Variants in MYOM2 observed in about 807,000 individuals in gnomAD.
MYOM2 encodes myomesin 2.
Under a neutral mutation model 187.6 loss-of-function variants are expected in MYOM2, and 254 were observed. That is an observed-to-expected ratio of 1.35 (90% CI 1.22 to 1.50). MYOM2 has a LOEUF of 1.50. MYOM2 is among the 40% of genes most tolerant of loss of function. MYOM2 has a pLI of 0.00. For synonymous variants in MYOM2, 981 were observed against 753.8 expected (o/e 1.30, Z -4.94); for missense variants, 2,796 against 1,924.0 (o/e 1.45, Z -8.48).
At chr8:2,132,699 G>A (rs73657736) in intron 32 of MYOM2, among the ~76,000 whole-genome samples, 21,077 of 152,004 alleles carry the variant, frequency 0.14, 2,541 homozygotes, top group African/African-American at 0.31. Context: ...GAATCCTCTT[G>A]CCTTGGCCAC....
Position 2,106,062 on chromosome 8 carries a change from G to A in MYOM2, c.2735-180G>A, listed in dbSNP as rs147735162. On this transcript the variant is annotated intron_variant, in intron 21 of 36. Transcript: ENST00000262113. ...CATAAGACTCAGTCACTATCATGAG[G>A]ACAGCATGGGGGAAACCACCCCCGT... is the stretch of plus-strand genomic sequence containing the variant. Among the ~76,000 whole-genome samples the A allele has an allele frequency of 5.7e-3, 869 of 152,220 alleles. 4 individuals are homozygous for A. The highest frequency in any genetic ancestry group is 7.4e-3 in the Non-Finnish European group (505 of 68,018).
At chr8:2,104,164 A>G (rs1299410425) in intron 21 of MYOM2, among the ~76,000 whole-genome samples, 3 of 152,044 alleles carry the variant, frequency 2.0e-5, no homozygotes, top group Non-Finnish European at 4.4e-5. Context: ...GCTGTTGGTA[A>G]TTTTCTTGAT....
chr8:2,140,598 TC>T, intron 32 of MYOM2, 124 bp from the exon 33 acceptor site: 1 of 884,320 alleles, frequency 1.1e-6, no homozygotes, highest in South Asian at 2.1e-5. Context: ...GCCAGAATAA[TC>T]TATTGTGACA....
intron 13 of MYOM2, among the ~76,000 whole-genome samples, chr8:2,080,566 A>T (rs796765428): frequency 2.6e-4 from 40 of 152,340 alleles, no homozygotes; most frequent in African/African-American, 9.4e-4. Flanking sequence ...AGGACCTAGA[A>T]CTCAGGAAGG....
At chr8:2,134,361 C>A (rs35920006) in intron 32 of MYOM2, among the ~76,000 whole-genome samples, 23,995 of 152,072 alleles carry the variant, frequency 0.16, 2,740 homozygotes, top group African/African-American at 0.3. Context: ...TTGGTGACTC[C>A]GTTTTAGCTG....
At chr8:2,108,743 G>T (rs1796973116) in intron 23 of MYOM2, 43 bp from the exon 24 acceptor site, 1 of 1,606,126 alleles carries the variant, frequency 6.2e-7, no homozygotes, top group Non-Finnish European at 8.5e-7. Context: ...AACTTCTCTA[G>T]GTGCAGGTCC....
chr8:2,052,446 A>T, intron 3 of MYOM2, 133 bp downstream of exon 3: 1 of 947,560 alleles, frequency 1.1e-6, no homozygotes. Context: ...CTGGGGTGAG[A>T]GGGAGAATGC....
At chr8:2,076,030 A>G in intron 10 of MYOM2, 111 bp from the exon 11 acceptor site, 2 of 1,011,960 alleles carry the variant, frequency 2.0e-6, no homozygotes, top group Non-Finnish European at 2.8e-6. Context: ...AGAATTAAAC[A>G]GTGGTCAAAT....
At chr8:2,118,245 G>A (rs917542963) in intron 28 of MYOM2, among the ~76,000 whole-genome samples, 1 of 152,158 alleles carries the variant, frequency 6.6e-6, no homozygotes, top group African/African-American at 2.4e-5. Context: ...ATGAGAAAGT[G>A]TGCCCTGGTG....
At chr8:2,092,944 G>A (rs575706279) in intron 16 of MYOM2, among the ~76,000 whole-genome samples, 10 of 152,264 alleles carry the variant, frequency 6.6e-5, no homozygotes, top group African/African-American at 2.4e-4. Context: ...ACCCCACCGG[G>A]CGCCGACTCT....
chr8:2,046,379 C>T lies in MYOM2; in HGVS notation c.-13+1211C>T, dbSNP rs552925836. Among the ~76,000 whole-genome samples the T allele has an allele frequency of 5.3e-5, 8 of 152,262 alleles. No homozygotes were observed. In the East Asian group the frequency reaches 1.4e-3, roughly 26 times the overall value. ...ATTCCTAAACGTGTCAGGAGCATTC[C>T]GGGAGTGGCCGGGGAGCTGGGCTGT... On this transcript the variant is annotated intron_variant, in intron 1 of 36. Coordinates refer to ENST00000262113, the MANE Select transcript of MYOM2 (RefSeq NM_003970.4).
chr8:2,070,623 CCTAT>C (rs3837174), intron 8 of MYOM2, among the ~76,000 whole-genome samples: 51,164 of 151,868 alleles, frequency 0.34, 10,461 homozygotes, highest in Middle Eastern at 0.47. Context: ...CGGGGTTTCT[CCTAT>C]CTATTAACAT....
At chr8:2,134,022 T>C (rs1026420605) in intron 32 of MYOM2, among the ~76,000 whole-genome samples, 18 of 152,128 alleles carry the variant, frequency 1.2e-4, no homozygotes, top group Non-Finnish European at 2.2e-4. Flanking sequence ...TGTAGCCACC[T>C]CCACCGTCTT....
intron 21 of MYOM2, among the ~76,000 whole-genome samples, chr8:2,103,434 T>TA (rs1438541218): frequency 6.6e-6 from 1 of 150,912 alleles, no homozygotes; most frequent in Non-Finnish European, 1.5e-5. Flanking sequence ...GGTATATGGA[T>TA]AAATGAGTGG....
intron 6 of MYOM2, among the ~76,000 whole-genome samples, chr8:2,065,941 T>C (rs1016484359): frequency 6.6e-6 from 1 of 152,196 alleles, no homozygotes; most frequent in African/African-American, 2.4e-5. Flanking sequence ...GAGATTCCAG[T>C]TGAGAGCCGT....
chr8:2,117,888 C>T lies in MYOM2; in HGVS notation c.3389C>T (p.Pro1130Leu). ...QRKEFLRKQGPHFAEYLHWDV... is the reference protein window; with the variant it reads ...QRKEFLRKQGLHFAEYLHWDV... ...TCTTCCCTTTTTTCCTCCCTAGGCCCTCATTTTGCTGAGTACTTGCACTGG... is the reference window on the plus strand; with the variant it reads ...TCTTCCCTTTTTTCCTCCCTAGGCCTTCATTTTGCTGAGTACTTGCACTGG... Residue 1130 changes from proline (P) to leucine (L), a missense_variant, in exon 28 of 37, where the codon CCT becomes CTT. By Grantham distance (98) the Pro-to-Leu change is moderately conservative. Transcript: ENST00000262113. The T allele has an allele frequency of 6.2e-7, 1 of 1,610,534 alleles. No homozygotes were observed. Among genetic ancestry groups the T allele is most frequent in the Non-Finnish European group, 8.5e-7 (1 of 1,178,438 alleles).
At chr8:2,135,879 C>T (rs1485720808) in intron 32 of MYOM2, among the ~76,000 whole-genome samples, 1 of 152,120 alleles carries the variant, frequency 6.6e-6, no homozygotes, top group African/African-American at 2.4e-5. Flanking sequence ...CGTGTTTGGC[C>T]CTCTTATAAG....
chr8:2,140,682 G>C lies in MYOM2; in HGVS notation c.3801-41G>C, dbSNP rs769386202. On this transcript the variant is annotated intron_variant, in intron 32 of 36. Coordinates refer to ENST00000262113, the MANE Select transcript of MYOM2 (RefSeq NM_003970.4). ...CCTGTAGACATTGTGCGTGTGACAT[G>C]GAGACCCTAACTCAGATACGTTCCT... is the stretch of plus-strand genomic sequence containing the variant. 2.3e-5 allele frequency: 37 copies of C among 1,603,128 alleles called. No homozygotes were observed. The Middle Eastern group carries it at 8.3e-4, about 36-fold the overall frequency.
intron 6 of MYOM2, among the ~76,000 whole-genome samples, chr8:2,066,519 T>C (rs1819025191): frequency 6.6e-6 from 1 of 152,198 alleles, no homozygotes; most frequent in Non-Finnish European, 1.5e-5. Context: ...GTTTGGAGAA[T>C]GCATTTTTGA....
Sources: allele counts gnomAD v4.1 joint callset (sites outside exome capture counted in the v4.1 genomes callset), GRCh38; gene constraint gnomAD v4.1.1; transcripts MANE v1.5; gene names NCBI Gene and HGNC (gene_info 2026-07-23, HGNC 2026-07-21).